The following MAP4K3 variants were observed in gnomAD, a reference collection of about 807,000 sequenced individuals.
MAP4K3 encodes MAPK/ERK kinase kinase kinase 3.
A neutral mutation model predicts 143.5 loss-of-function variants in MAP4K3; 94 were observed. The ratio of observed to expected loss-of-function variants is 0.65; its 90% CI spans 0.55 to 0.78. The LOEUF is 0.78. Ranked by LOEUF, MAP4K3 falls within the 30% of genes least tolerant of loss-of-function variation. MAP4K3 has a pLI of 0.00. For synonymous variants in MAP4K3, 416 were observed against 347.2 expected, an observed-to-expected ratio of 1.20 and a Z score of -2.20; for missense variants, 1,077 against 1,068.1, an observed-to-expected ratio of 1.01 and a Z score of -0.12.
At chr2:39,365,710 C>T (rs1334862035) in intron 2 of MAP4K3, among the ~76,000 whole-genome samples, 1 of 152,004 alleles carries the variant, frequency 6.6e-6, no homozygotes, top group African/African-American at 2.4e-5. Context: ...TCCCAAAGTG[C>T]TGGGATTACA....
intron 1 of MAP4K3, among the ~76,000 whole-genome samples, chr2:39,431,973 T>C (rs1665302882): frequency 6.6e-6 from 1 of 151,858 alleles, no homozygotes; most frequent in African/African-American, 2.4e-5. Flanking sequence ...TTATGGAGTA[T>C]CTAGAGAGTC....
At chr2:39,406,288 T>C (rs1031292895) in intron 1 of MAP4K3, among the ~76,000 whole-genome samples, 23 of 150,908 alleles carry the variant, frequency 1.5e-4, no homozygotes, top group African/African-American at 5.4e-4. Context: ...AAAAAGGAGG[T>C]AGAGAAAGAG....
intron 33 of MAP4K3, 32 bp from the exon 34 acceptor site, chr2:39,250,737 A>T (rs1327541807): frequency 6.4e-7 from 1 of 1,574,156 alleles, no homozygotes; most frequent in South Asian, 1.1e-5. Flanking sequence ...TAACAAAACA[A>T]AGTTATTCCT....
chr2:39,303,094 A>C (rs1175870816), intron 15 of MAP4K3: 3 of 167,102 alleles, frequency 1.8e-5, no homozygotes, highest in Admixed American at 1.3e-4. Flanking sequence ...AGCAGCAGGA[A>C]GTCAATAGAA....
chr2:39,300,467 A>G (rs1306434352), intron 15 of MAP4K3, among the ~76,000 whole-genome samples: 2 of 152,232 alleles, frequency 1.3e-5, no homozygotes, highest in African/African-American at 4.8e-5. Context: ...GATGAACAGT[A>G]CACATGCTCA....
At chr2:39,432,581 C>T (rs1372561602) in intron 1 of MAP4K3, among the ~76,000 whole-genome samples, 3 of 152,158 alleles carry the variant, frequency 2.0e-5, no homozygotes, top group Non-Finnish European at 4.4e-5. Flanking sequence ...TTTCTAAATG[C>T]TTAAGGTCTT....
rs1681802242 is a variant in MAP4K3 at position 39,286,896 on chromosome 2, G to T, written c.1543C>A (p.His515Asn). Reference protein sequence around the residue: ...DGSLCQQQNEHRGTNLSRKEK... With the variant: ...DGSLCQQQNENRGTNLSRKEK... ...TTTCTTGAAAGGTTTGTGCCTCTATGTTCATTCTGTTGTTGACATAATGAG... is the reference window on the plus strand; with the variant it reads ...TTTCTTGAAAGGTTTGTGCCTCTATTTTCATTCTGTTGTTGACATAATGAG... Residue 515 changes from histidine (H) to asparagine (N), a missense_variant, in exon 21 of 34, where the codon CAT (histidine) becomes AAT (asparagine). Transcript: ENST00000263881. 16 of 1,609,620 alleles carry T rather than the reference G, an allele frequency of 9.9e-6. No individual in the cohort carries two copies. Among genetic ancestry groups the T allele is most frequent in the Non-Finnish European group, 1.4e-5 (16 of 1,178,844 alleles).
At chr2:39,349,198 AG>A (rs1665380330) in intron 3 of MAP4K3, among the ~76,000 whole-genome samples, 2 of 152,240 alleles carry the variant, frequency 1.3e-5, no homozygotes, top group African/African-American at 2.4e-5. Flanking sequence ...AGAAAAACAA[AG>A]TTTAGTAACT....
intron 6 of MAP4K3, among the ~76,000 whole-genome samples, chr2:39,336,460 A>T (rs943883455): frequency 8.1e-6 from 1 of 122,788 alleles, no homozygotes; most frequent in Non-Finnish European, 1.6e-5. Context: ...CAACAGAGCG[A>T]GACTCCATCT....
At position 39,307,839 on chromosome 2, in the gene MAP4K3, C is replaced by G. The variant is rs985104137; in HGVS notation, c.1119+104G>C. 6.1e-6 allele frequency: 5 copies of G among 825,900 alleles called. No individual in the cohort carries two copies. The East Asian group carries it at 1.5e-4, about 24-fold the overall frequency. 51.2% of individuals were successfully genotyped at this position (825,900 alleles called of 1,614,324 possible). Reference sequence around the variant, plus strand: ...TATATAGAAGTTTGCTAAATGATAGCAACTTATAAAACAATGCTTTAATTG... The same window carrying G: ...TATATAGAAGTTTGCTAAATGATAGGAACTTATAAAACAATGCTTTAATTG... On this transcript the variant is annotated intron_variant, in intron 15 of 33. Transcript: ENST00000263881.
At chr2:39,325,231 C>A (rs556525301) in intron 12 of MAP4K3, among the ~76,000 whole-genome samples, 46 of 152,212 alleles carry the variant, frequency 3.0e-4, no homozygotes, top group African/African-American at 1.1e-3. Flanking sequence ...GCAACTTCAC[C>A]AAAAATGGCT....
At chr2:39,308,167 T>A (rs144435472) in intron 14 of MAP4K3, among the ~76,000 whole-genome samples, 162 bp from the exon 15 acceptor site, 4 of 152,314 alleles carry the variant, frequency 2.6e-5, no homozygotes, top group African/African-American at 7.2e-5. Flanking sequence ...AAAAGCAACA[T>A]TGCAACAACT....
At chr2:39,386,811 T>TTTG (rs1330372518) in intron 1 of MAP4K3, among the ~76,000 whole-genome samples, 4 of 64,226 alleles carry the variant, frequency 6.2e-5, no homozygotes, top group Non-Finnish European at 1.0e-4. Context: ...TGTAATTTTT[T>TTTG]TTGTTGTTCT....
At chr2:39,333,665 C>T in intron 6 of MAP4K3, 91 bp from the exon 7 acceptor site, 1 of 649,518 alleles carries the variant, frequency 1.5e-6, no homozygotes, top group Non-Finnish European at 2.6e-6. Context: ...AAAATAATCA[C>T]AGCCTTAGAC....
intron 1 of MAP4K3, among the ~76,000 whole-genome samples, chr2:39,434,253 T>C (rs1665384093): frequency 6.6e-6 from 1 of 152,182 alleles, no homozygotes; most frequent in South Asian, 2.1e-4. Context: ...GCACAATTAA[T>C]TTGTATAAAT....
rs185934692 is a variant in MAP4K3 at position 39,414,777 on chromosome 2, T to C, written c.96+22115A>G. Among the ~76,000 whole-genome samples, 159 of 151,540 alleles carry C rather than the reference T, an allele frequency of 1.0e-3. 1 individual carries two copies. Among genetic ancestry groups the C allele is most frequent in the African/African-American group, 2.1e-3 (86 of 41,236 alleles). ...GTAGTCCCAGCTACTCGGGGGGTGC[T>C]GGGGCAGGAGAATCACTTGAACCTG... is the stretch of plus-strand genomic sequence containing the variant. On this transcript the variant is annotated intron_variant, in intron 1 of 33. Transcript: ENST00000263881.
chr2:39,353,356 A>G (rs1665513052), intron 3 of MAP4K3, among the ~76,000 whole-genome samples: 1 of 152,198 alleles, frequency 6.6e-6, no homozygotes, highest in South Asian at 2.1e-4. Context: ...AGAGAGATAA[A>G]ATTAATTGCT....
chr2:39,280,130 T>C (rs187673886), intron 23 of MAP4K3, 142 bp downstream of exon 23: 1 of 498,632 alleles, frequency 2.0e-6, no homozygotes, highest in Non-Finnish European at 3.6e-6. Context: ...AAGAAACATA[T>C]TTACCTTAAA....
chr2:39,357,013 G>A (rs1045571856), intron 2 of MAP4K3, among the ~76,000 whole-genome samples: 1 of 152,150 alleles, frequency 6.6e-6, no homozygotes, highest in Non-Finnish European at 1.5e-5. Flanking sequence ...ACATTCACAG[G>A]CTTATCCTGT....
Sources: gnomAD v4.1 joint callset for allele counts (sites outside exome capture counted in the v4.1 genomes callset) on GRCh38, gnomAD v4.1.1 for gene constraint, MANE v1.5 for transcripts, NCBI Gene and HGNC (gene_info 2026-07-23, HGNC 2026-07-21) for gene names.